Variants in ARHGAP32 observed in about 807,000 individuals in gnomAD.
ARHGAP32 encodes Rho GTPase activating protein 32, also known as rho GTPase-activating protein 32.
Under a neutral mutation model 186.5 loss-of-function variants are expected in ARHGAP32, and 51 were observed. The ratio of observed to expected loss-of-function variants is 0.27; its 90% CI spans 0.22 to 0.35. The LOEUF is 0.35. Ranked by LOEUF, ARHGAP32 falls within the 10% of genes least tolerant of loss-of-function variation. ARHGAP32 has a pLI of 1.00. For synonymous variants in ARHGAP32, 950 were observed against 964.3 expected, an observed-to-expected ratio of 0.99 and a Z score of 0.27; for missense variants, 2,186 against 2,623.5, an observed-to-expected ratio of 0.83 and a Z score of 3.64.
At chr11:129,168,946 A>G (rs1394944135) in intron 1 of ARHGAP32, among the ~76,000 whole-genome samples, 1 of 152,226 alleles carries the variant, frequency 6.6e-6, no homozygotes, top group East Asian at 1.9e-4. Context: ...TGGAAATTAG[A>G]AAGTCTTTTT....
intron 2 of ARHGAP32, among the ~76,000 whole-genome samples, chr11:129,130,831 C>T (rs1180229133): frequency 6.6e-6 from 1 of 152,114 alleles, no homozygotes; most frequent in Non-Finnish European, 1.5e-5. Context: ...TATGACTACA[C>T]TCCCAAATAT....
chr11:129,129,597 G>A (rs959375471), intron 2 of ARHGAP32, among the ~76,000 whole-genome samples: 2 of 152,206 alleles, frequency 1.3e-5, no homozygotes, highest in Non-Finnish European at 2.9e-5. Flanking sequence ...TAGAAAAGGG[G>A]GAAATATGGG....
chr11:128,974,448 G>C lies in ARHGAP32; in HGVS notation c.2749C>G (p.Pro917Ala), dbSNP rs781781507. The change falls in exon 21 of 23, where the codon CCT becomes GCT. Residue 917 changes from proline (P) to alanine (A), a missense_variant. Physicochemically the swap from Pro to Ala is conservative, Grantham distance 27. Transcript: ENST00000682385. ...PKIGRKLSKS[P>A]SMSISEPISV... ...ATTGGCTCAGATATGCTCATAGAAG[G>C]TGATTTGCTTAATTTCCGTCCTATC... 6.2e-7 allele frequency: 1 copy of C among 1,614,070 alleles called. No homozygotes were observed.
At chr11:129,077,033 A>G (rs540402775) in intron 6 of ARHGAP32, among the ~76,000 whole-genome samples, 89 of 152,330 alleles carry the variant, frequency 5.8e-4, no homozygotes, top group African/African-American at 2.1e-3. Context: ...CCTTACCTAG[A>G]GCAGAAATGA....
intron 5 of ARHGAP32, among the ~76,000 whole-genome samples, chr11:129,119,330 G>C (rs1365620877): frequency 6.6e-6 from 1 of 151,782 alleles, no homozygotes; most frequent in Non-Finnish European, 1.5e-5. Flanking sequence ...CATTACAACT[G>C]AATGTACCAA....
At chr11:129,008,372 C>T (rs753360701) in intron 11 of ARHGAP32, among the ~76,000 whole-genome samples, 7 of 152,160 alleles carry the variant, frequency 4.6e-5, no homozygotes, top group Non-Finnish European at 1.0e-4. Flanking sequence ...ATGAAGACTC[C>T]TGAGGGAACC....
chr11:129,017,336 C>A (rs1453269357), intron 11 of ARHGAP32, among the ~76,000 whole-genome samples: 1 of 151,262 alleles, frequency 6.6e-6, no homozygotes, highest in South Asian at 2.1e-4. Context: ...CACCTGTAAT[C>A]GCAGCTACTC....
intron 11 of ARHGAP32, among the ~76,000 whole-genome samples, chr11:129,003,404 G>A (rs760258764): frequency 7.9e-5 from 12 of 152,106 alleles, no homozygotes; most frequent in Admixed American, 2.0e-4. Context: ...TGTAGAATTC[G>A]TTTGGAAGTA....
At chr11:129,127,522 C>T (rs1277768918) in intron 2 of ARHGAP32, among the ~76,000 whole-genome samples, 1 of 144,376 alleles carries the variant, frequency 6.9e-6, no homozygotes, top group African/African-American at 2.6e-5. Context: ...TACACTTTAA[C>T]ATAACAAGGT....
intron 6 of ARHGAP32, among the ~76,000 whole-genome samples, chr11:129,078,698 G>A (rs1275243195): frequency 6.6e-6 from 1 of 152,010 alleles, no homozygotes; most frequent in African/African-American, 2.4e-5. Context: ...TCACCATGTT[G>A]GCCAGGCTGG....
chr11:128,979,173 C>T (rs965696639), intron 18 of ARHGAP32, among the ~76,000 whole-genome samples: 1 of 152,064 alleles, frequency 6.6e-6, no homozygotes, highest in Non-Finnish European at 1.5e-5. Context: ...TATTTGGATC[C>T]AACCTCACAA....
At chr11:129,248,943 G>A (rs909933858) in intron 1 of ARHGAP32, among the ~76,000 whole-genome samples, 1 of 152,154 alleles carries the variant, frequency 6.6e-6, no homozygotes, top group East Asian at 1.9e-4. Context: ...TCCTCATGGA[G>A]CTTGGAGTCC....
At chr11:129,205,817 T>C (rs572657258) in intron 1 of ARHGAP32, among the ~76,000 whole-genome samples, 124 of 152,316 alleles carry the variant, frequency 8.1e-4, no homozygotes, top group Middle Eastern at 3.4e-3. Context: ...CTAGATACTA[T>C]GATGCTATCC....
chr11:129,264,658 CAG>C (rs1945370299), intron 1 of ARHGAP32, among the ~76,000 whole-genome samples: 2 of 152,140 alleles, frequency 1.3e-5, no homozygotes, highest in Admixed American at 1.3e-4. Context: ...CCATAGGAGA[CAG>C]AGAACTTTTG....
At chr11:129,266,945 C>G (rs564399130) in intron 1 of ARHGAP32, among the ~76,000 whole-genome samples, 4 of 152,322 alleles carry the variant, frequency 2.6e-5, no homozygotes, top group Admixed American at 2.6e-4. Context: ...GTATTTACAA[C>G]CCTAGGCCAA....
At chr11:129,078,003 A>G (rs887895604) in intron 6 of ARHGAP32, among the ~76,000 whole-genome samples, 1 of 152,226 alleles carries the variant, frequency 6.6e-6, no homozygotes, top group Non-Finnish European at 1.5e-5. Flanking sequence ...CACTGCTAGC[A>G]TAACAAGCAT....
At position 128,974,655 on chromosome 11, in the gene ARHGAP32, T is replaced by C. The variant is rs897452286; in HGVS notation, c.2542A>G (p.Lys848Glu). 3.7e-6 allele frequency: 6 copies of C among 1,614,200 alleles called. No individual in the cohort carries two copies. The African/African-American group carries it at 5.3e-5, about 14-fold the overall frequency. ...TGGCTACTACCTGTTTCTGCATCCT[T>C]TTTATTGGCACTTGGTTTATCCTTG... ...YSKDKPSANK[K>E]DAETGSSQCQ... The change falls in exon 21 of 23, where the codon AAG (lysine) becomes GAG (glutamate). Residue 848 changes from lysine to glutamate, a missense_variant. Transcript: ENST00000682385.
chr11:129,152,889 C>T (rs1274170587), intron 2 of ARHGAP32, among the ~76,000 whole-genome samples: 1 of 151,990 alleles, frequency 6.6e-6, no homozygotes, highest in Non-Finnish European at 1.5e-5. Flanking sequence ...CTGGCCGGAA[C>T]AATCAGACAA....
chr11:129,188,082 A>G (rs946141553), intron 1 of ARHGAP32, among the ~76,000 whole-genome samples: 1 of 152,134 alleles, frequency 6.6e-6, no homozygotes, highest in Non-Finnish European at 1.5e-5. Flanking sequence ...CAGCCTCCCA[A>G]ATAGCTGGGA....
Sources: allele counts gnomAD v4.1 joint callset (sites outside exome capture counted in the v4.1 genomes callset), GRCh38; gene constraint gnomAD v4.1.1; transcripts MANE v1.5; gene names NCBI Gene and HGNC (gene_info 2026-07-23, HGNC 2026-07-21).